PLA2G4E: variants seen among roughly 807,000 people sequenced by gnomAD.
The protein encoded by PLA2G4E is phospholipase A2 group IVE, also known as cytosolic phospholipase A2 epsilon.
In PLA2G4E, 84 loss-of-function variants were observed where a neutral mutation model predicts 109.1. The observed-to-expected ratio is 0.77, with a 90% CI of 0.65 to 0.92. PLA2G4E has a LOEUF of 0.92. PLA2G4E is among the 40% of genes least tolerant of loss of function. The pLI is 0.00. For missense variants in PLA2G4E, 1,057 were observed against 1,076.6 expected, an observed-to-expected ratio of 0.98 and a Z score of 0.25; for synonymous variants, 469 against 436.1, an observed-to-expected ratio of 1.08 and a Z score of -0.94.
chr15:41,993,746 G>T (rs1334873865), intron 12 of PLA2G4E, among the ~76,000 whole-genome samples: 1 of 152,050 alleles, frequency 6.6e-6, no homozygotes, highest in African/African-American at 2.4e-5. Context: ...AAGGAAACAG[G>T]GGCCTCCTCC....
intron 2 of PLA2G4E, among the ~76,000 whole-genome samples, chr15:42,012,714 A>G (rs1050462560): frequency 2.0e-5 from 3 of 152,178 alleles, no homozygotes; most frequent in Non-Finnish European, 4.4e-5. Flanking sequence ...TTGTTATTCT[A>G]TAACTGCTTT....
chr15:41,985,638 A>G (rs1307406677), intron 18 of PLA2G4E, among the ~76,000 whole-genome samples: 1 of 152,274 alleles, frequency 6.6e-6, no homozygotes, highest in African/African-American at 2.4e-5. Context: ...CATGGGCACC[A>G]TGGTGTGAGA....
At chr15:42,044,450 G>A (rs1239718436) in intron 1 of PLA2G4E, among the ~76,000 whole-genome samples, 1 of 152,058 alleles carries the variant, frequency 6.6e-6, no homozygotes, top group Non-Finnish European at 1.5e-5. Flanking sequence ...GGAGTGATGA[G>A]GTCAGAGAGG....
chr15:42,016,537 G>A (rs771122605), intron 1 of PLA2G4E, among the ~76,000 whole-genome samples: 12 of 151,892 alleles, frequency 7.9e-5, no homozygotes, highest in Non-Finnish European at 1.2e-4. Context: ...CAGTTTCACC[G>A]TGTTGGCCAG....
chr15:42,022,679 A>G (rs2068658919), intron 1 of PLA2G4E, among the ~76,000 whole-genome samples: 1 of 152,186 alleles, frequency 6.6e-6, no homozygotes, highest in Non-Finnish European at 1.5e-5. Flanking sequence ...GGTGGGTTTC[A>G]GGTGGTAATA....
exon 3 of PLA2G4E, chr15:42,007,833 G>T: frequency 6.2e-7 from 1 of 1,608,124 alleles, no homozygotes; most frequent in Non-Finnish European, 8.5e-7. Flanking sequence ...GCGGTGGGCA[G>T]CCAGAGGCTC....
chr15:42,016,241 C>CTTTTTTTTTTTTTTTTT (rs1168452228), intron 1 of PLA2G4E, among the ~76,000 whole-genome samples: 2 of 104,688 alleles, frequency 1.9e-5, no homozygotes, highest in Non-Finnish European at 3.9e-5. Context: ...TTTATCTTTA[C>CTTTTTTTTTTTTTTTTT]TTTTTTTTTT....
At chr15:42,006,218 T>A in intron 3 of PLA2G4E, 97 bp from the exon 4 acceptor site, 1 of 1,495,866 alleles carries the variant, frequency 6.7e-7, no homozygotes, top group South Asian at 1.3e-5. Flanking sequence ...AGGAGGTAGG[T>A]CTGGGGGATG....
chr15:42,021,199 G>A (rs898728778), intron 1 of PLA2G4E, among the ~76,000 whole-genome samples, 157 bp from the exon 1 acceptor site: 1 of 151,700 alleles, frequency 6.6e-6, no homozygotes, highest in Non-Finnish European at 1.5e-5. Context: ...AGAAATCACA[G>A]GTCTTCAGGT....
intron 1 of PLA2G4E, among the ~76,000 whole-genome samples, chr15:42,014,018 T>G (rs2068564997): frequency 1.3e-5 from 2 of 150,724 alleles, no homozygotes; most frequent in African/African-American, 4.9e-5. Context: ...CAGCCTCCCA[T>G]GTAGCTGGGG....
At chr15:42,040,186 TA>T (rs768722740) in intron 1 of PLA2G4E, among the ~76,000 whole-genome samples, 3 of 151,694 alleles carry the variant, frequency 2.0e-5, no homozygotes, top group Non-Finnish European at 4.4e-5. Context: ...TACAAAACTT[TA>T]AAACACACAC....
chr15:42,012,960 G>T (rs2068552169), intron 2 of PLA2G4E, among the ~76,000 whole-genome samples: 1 of 152,184 alleles, frequency 6.6e-6, no homozygotes, highest in Non-Finnish European at 1.5e-5. Flanking sequence ...GTGTGGGAGG[G>T]GCTTTCAGTT....
intron 1 of PLA2G4E, among the ~76,000 whole-genome samples, chr15:42,035,703 G>A (rs781044485): frequency 2.5e-4 from 38 of 152,208 alleles, no homozygotes; most frequent in Non-Finnish European, 4.7e-4. Flanking sequence ...GAGGGGAAGT[G>A]ATTGGGTAAG....
chr15:41,988,558 T>A (rs2068188827), intron 15 of PLA2G4E, among the ~76,000 whole-genome samples: 1 of 152,348 alleles, frequency 6.6e-6, no homozygotes, highest in South Asian at 2.1e-4. Context: ...TTTTTAAATG[T>A]AGGCATTAGA....
chr15:42,042,086 G>A (rs1239177643), intron 1 of PLA2G4E, among the ~76,000 whole-genome samples: 2 of 152,082 alleles, frequency 1.3e-5, no homozygotes, highest in African/African-American at 2.4e-5. Context: ...GGTGTTCATA[G>A]CACACTCCAA....
rs146301749 is a variant in PLA2G4E at position 41,987,279 on chromosome 15, C to T, written c.1928G>A (p.Arg643Gln). 1,782 of 1,613,958 alleles carry T rather than the reference C, an allele frequency of 1.1e-3. 3 individuals are homozygous for T. The highest frequency in any genetic ancestry group is 1.4e-3 in the Non-Finnish European group (1,610 of 1,179,874). Residue 643 changes from arginine (R) to glutamine (Q), a missense_variant, in exon 17 of 20, where the codon CGA (arginine) becomes CAA (glutamine). Physicochemically the swap from Arg to Gln is conservative, Grantham distance 43. Transcript: ENST00000399518. The stretch of plus-strand genomic sequence containing the variant: ...GAAGGACCGATGGGTAAGGATTTCT[C>T]GGAAAGAATTGGACAGCCATGACCC...
At chr15:42,023,336 A>G (rs2068665237) in intron 1 of PLA2G4E, among the ~76,000 whole-genome samples, 1 of 151,266 alleles carries the variant, frequency 6.6e-6, no homozygotes, top group South Asian at 2.1e-4. Context: ...GTCACCCTTC[A>G]TTCCATACTA....
intron 1 of PLA2G4E, among the ~76,000 whole-genome samples, chr15:42,020,380 G>A (rs1595571987): frequency 6.6e-6 from 1 of 152,216 alleles, no homozygotes; most frequent in East Asian, 1.9e-4. Context: ...AGTTGGTCTA[G>A]AGCCCTGGCA....
intron 2 of PLA2G4E, among the ~76,000 whole-genome samples, chr15:42,012,881 G>A (rs921842862): frequency 3.9e-5 from 6 of 152,222 alleles, no homozygotes; most frequent in Non-Finnish European, 5.9e-5. Context: ...CCCACCTGTG[G>A]GGCCTGGATA....
Sources: gnomAD v4.1 joint callset for allele counts (sites outside exome capture counted in the v4.1 genomes callset) on GRCh38, gnomAD v4.1.1 for gene constraint, MANE v1.5 for transcripts, NCBI Gene and HGNC (gene_info 2026-07-23, HGNC 2026-07-21) for gene names.